LMO3: variants seen among roughly 807,000 people sequenced by gnomAD.
LMO3 encodes the protein LIM domain only 3.
Under a neutral mutation model 15.8 loss-of-function variants are expected in LMO3, and 2 were observed. That is an observed-to-expected ratio of 0.13 (90% CI 0.05 to 0.40). The LOEUF is 0.40. Among genes scored for constraint, LMO3 ranks in the 10% least tolerant of loss-of-function variants. The pLI, the probability that LMO3 is intolerant of heterozygous loss-of-function variation, is 0.99. For missense variants in LMO3, 86 were observed against 182.2 expected, an observed-to-expected ratio of 0.47 and a Z score of 3.04; for synonymous variants, 62 against 63.8, an observed-to-expected ratio of 0.97 and a Z score of 0.13.
Position 16,548,786 on chromosome 12 carries a change from TTCTTG to T in LMO3, c.*2431_*2435del. On this transcript the variant is annotated 3_prime_UTR_variant, in exon 4 of 4. Coordinates refer to ENST00000537304, the MANE Select transcript of LMO3 (RefSeq NM_018640.5). The surrounding 1 kb of genome is among the most constrained non-coding windows in gnomAD (Gnocchi z 4.2). ...AAAATGGCCTACAGCTGAAACACTA[TTCTTG>T]TCTTATTTCACGATTTCATGGAGAT... 1 of 151,988 alleles carries T rather than the reference TTCTTG, an allele frequency of 6.6e-6. No homozygotes were observed. Among genetic ancestry groups the T allele is most frequent in the Non-Finnish European group, 1.5e-5 (1 of 67,784 alleles). 9.4% of individuals were successfully genotyped at this position (151,988 alleles called of 1,614,324 possible). A position where few individuals can be genotyped will look rare whatever the true frequency, so the allele number is the denominator to read the frequency against.
Position 16,604,587 on chromosome 12 carries a change from C to A in LMO3, c.-9+1479G>T. On this transcript the variant is annotated intron_variant, in intron 1 of 3. Coordinates refer to ENST00000537304, the MANE Select transcript of LMO3 (RefSeq NM_018640.5). The surrounding 1 kb of genome is among the most constrained non-coding windows in gnomAD (Gnocchi z 5.3). ...ATAAAAAAAAAAAATAAGAAACATA[C>A]ATACACTCTAACAAAGAATCCCTTG... The A allele has an allele frequency of 4.3e-6, 2 of 466,228 alleles. No individual in the cohort carries two copies. The highest frequency in any genetic ancestry group is 3.8e-5 in the Admixed American group (1 of 26,598). 28.9% of individuals were successfully genotyped at this position (466,228 alleles called of 1,614,324 possible).
chr12:16,598,957 C>T lies in LMO3; in HGVS notation c.206+1698G>A, dbSNP rs1450220460. The T allele has an allele frequency of 3.3e-6, 1 of 303,404 alleles. No homozygotes were observed. The highest frequency in any genetic ancestry group is 6.6e-6 in the Non-Finnish European group (1 of 150,380). 18.8% of individuals were successfully genotyped at this position (303,404 alleles called of 1,614,324 possible). A position where few individuals can be genotyped will look rare whatever the true frequency, so the allele number is the denominator to read the frequency against. On this transcript the variant is annotated intron_variant, in intron 2 of 3. Coordinates refer to ENST00000537304, the MANE Select transcript of LMO3 (RefSeq NM_018640.5). The surrounding 1 kb of genome is among the most constrained non-coding windows in gnomAD (Gnocchi z 4.3). ...CTTATTTGAAATGGTAACATAAATCCACTTGAGATACTGAAATTACAAACA... is the reference window on the plus strand; with the variant it reads ...CTTATTTGAAATGGTAACATAAATCTACTTGAGATACTGAAATTACAAACA...
In LMO3 at chr12:16,605,598, G is replaced by A. The variant is rs1943967337; in HGVS notation, c.-9+468C>T. ...AGTGGGGGTTCATGAATTCCAGCAA[G>A]TAAGGGGGAGGGGTCCGGAAACCCA... On this transcript the variant is annotated intron_variant, in intron 1 of 3. Transcript: ENST00000537304. The A allele has an allele frequency of 1.7e-5, 12 of 689,220 alleles. No homozygotes were observed. In the South Asian group the frequency reaches 2.4e-4, roughly 14 times the overall value. The allele number at this position is 689,220 out of a possible 1,614,324, so 42.7% of individuals were successfully genotyped here.
rs1057022120 is a variant in LMO3 at position 16,606,079 on chromosome 12, C to A, written c.-22G>T. ...TGCTGCACTTACCTTCTCAATTAAGCGATACAGGGGGAGGCCGTTCAGTAA... is the reference window on the plus strand; with the variant it reads ...TGCTGCACTTACCTTCTCAATTAAGAGATACAGGGGGAGGCCGTTCAGTAA... On this transcript the variant is annotated 5_prime_UTR_variant, in exon 1 of 4. Transcript: ENST00000537304. 4.1e-6 allele frequency: 2 copies of A among 484,392 alleles called. No individual in the cohort carries two copies. The highest frequency in any genetic ancestry group is 7.4e-6 in the Non-Finnish European group (2 of 269,356). The allele number at this position is 484,392 out of a possible 1,614,324, so 30.0% of individuals were successfully genotyped here. A position where few individuals can be genotyped will look rare whatever the true frequency, so the allele number is the denominator to read the frequency against.
At chr12:16,575,300 G>A (rs567628879) in intron 2 of LMO3, among the ~76,000 whole-genome samples, 3 of 152,174 alleles carry the variant, frequency 2.0e-5, no homozygotes, top group Middle Eastern at 6.8e-3. Flanking sequence ...CACACTAAAC[G>A]TCATACTGTC....
At chr12:16,552,681 T>C (rs950858609) in intron 3 of LMO3, among the ~76,000 whole-genome samples, 16 of 152,126 alleles carry the variant, frequency 1.1e-4, no homozygotes, top group African/African-American at 3.6e-4. Context: ...CCAGGATTAC[T>C]GCCTGCTGAT....
Position 16,551,286 on chromosome 12 carries a change from A to G in LMO3, c.374T>C (p.Ile125Thr). Residue 125 changes from isoleucine (I) to threonine (T), a missense_variant, in exon 4 of 4, where the codon ATC (isoleucine) becomes ACC (threonine). This residue lies in a region of LMO3 where 51 missense variants were observed against 140.3 expected (regional missense o/e 0.36). Transcript: ENST00000537304. ...TTCCTCGTAGTCCGTCTGGCAAAGGATCATGTTATTCTTTAGGAAAAATTT... is the reference window on the plus strand; with the variant it reads ...TTCCTCGTAGTCCGTCTGGCAAAGGGTCATGTTATTCTTTAGGAAAAATTT... Reference protein sequence around the residue: ...GDKFFLKNNMILCQTDYEEGL... With the variant: ...GDKFFLKNNMTLCQTDYEEGL... 6.2e-7 allele frequency: 1 copy of G among 1,613,118 alleles called. No individual in the cohort carries two copies. Among genetic ancestry groups the G allele is most frequent in the Non-Finnish European group, 8.5e-7 (1 of 1,179,140 alleles).
rs112121099 is a variant in LMO3, at chr12:16,582,868, C to A, written c.206+17787G>T. 6.6e-6 allele frequency among the ~76,000 whole-genome samples: 1 copy of A among 151,648 alleles called. No homozygotes were observed. The highest frequency in any genetic ancestry group is 1.5e-5 in the Non-Finnish European group (1 of 67,882). ...TTCGAGACCAGCCTGGCCAACATGG[C>A]GAAACCCCGTCTCTACTAAAATAAA... On this transcript the variant is annotated intron_variant, in intron 2 of 3. Coordinates refer to ENST00000537304, the MANE Select transcript of LMO3 (RefSeq NM_018640.5). The surrounding 1 kb of genome is among the most constrained non-coding windows in gnomAD (Gnocchi z 4.1).
In LMO3 at chr12:16,589,428, A is replaced by G. The variant is rs1943421550; in HGVS notation, c.206+11227T>C. The G allele has an allele frequency of 6.6e-6, 1 of 152,122 alleles. No individual in the cohort carries two copies. Among genetic ancestry groups the G allele is most frequent in the Non-Finnish European group, 1.5e-5 (1 of 68,010 alleles). 9.4% of individuals were successfully genotyped at this position (152,122 alleles called of 1,614,324 possible). On this transcript the variant is annotated intron_variant, in intron 2 of 3. Coordinates refer to ENST00000537304, the MANE Select transcript of LMO3 (RefSeq NM_018640.5). This position sits in a 1 kb window ranked among gnomAD's most constrained non-coding sequence, Gnocchi z 4.2. ...TTTTACTTGTGACTTCACAGTAAAA[A>G]ATTAGGTCGTAGTGCAGATGAAAGC...
At chr12:16,600,573 G>C in intron 2 of LMO3, 82 bp downstream of exon 2, 3 of 1,234,574 alleles carry the variant, frequency 2.4e-6, no homozygotes, top group Non-Finnish European at 3.5e-6. Context: ...GTAAGGAAAT[G>C]AAACAAGCAA....
At chr12:16,566,416 A>T (rs1942611909) in intron 2 of LMO3, among the ~76,000 whole-genome samples, 1 of 152,096 alleles carries the variant, frequency 6.6e-6, no homozygotes, top group Non-Finnish European at 1.5e-5. Context: ...TGTTTTCAAC[A>T]CACAAAAAAA....
rs1455507123 is a variant in LMO3 at position 16,576,073 on chromosome 12, C to G, written c.207-15535G>C. Among the ~76,000 whole-genome samples, 2 of 152,304 alleles carry G rather than the reference C, an allele frequency of 1.3e-5. No individual in the cohort carries two copies. Among genetic ancestry groups the G allele is most frequent in the East Asian group, 3.9e-4 (2 of 5,182 alleles). On this transcript the variant is annotated intron_variant, in intron 2 of 3. Coordinates refer to ENST00000537304, the MANE Select transcript of LMO3 (RefSeq NM_018640.5). This position sits in a 1 kb window ranked among gnomAD's most constrained non-coding sequence, Gnocchi z 4.1. Reference sequence around the variant, plus strand: ...CCTCTTTTGTCTCAGTAAGCTACTTCTAGCGCGCATCGCTTCTCCCTTGCA... The same window carrying G: ...CCTCTTTTGTCTCAGTAAGCTACTTGTAGCGCGCATCGCTTCTCCCTTGCA...
rs1420292761 is a variant in LMO3, at chr12:16,585,446, G to C, written c.206+15209C>G. ...TGCTACCATCTTCATCCTACACAGTGAGCATAAATGTTGTTTCAAATATTG... is the reference window on the plus strand; with the variant it reads ...TGCTACCATCTTCATCCTACACAGTCAGCATAAATGTTGTTTCAAATATTG... On this transcript the variant is annotated intron_variant, in intron 2 of 3. Coordinates refer to ENST00000537304, the MANE Select transcript of LMO3 (RefSeq NM_018640.5). This position sits in a 1 kb window ranked among gnomAD's most constrained non-coding sequence, Gnocchi z 4.7. Among the ~76,000 whole-genome samples the C allele has an allele frequency of 6.6e-6, 1 of 152,142 alleles. No homozygotes were observed. The highest frequency in any genetic ancestry group is 1.5e-5 in the Non-Finnish European group (1 of 68,022).
intron 2 of LMO3, among the ~76,000 whole-genome samples, chr12:16,565,718 A>G (rs2137380125): frequency 6.6e-6 from 1 of 151,974 alleles, no homozygotes; most frequent in Admixed American, 6.6e-5. Flanking sequence ...AAGGCTGAAA[A>G]AAGGAACACT....
chr12:16,605,443 C>T lies in LMO3; in HGVS notation c.-9+623G>A, dbSNP rs1451583369. 8 of 757,622 alleles carry T rather than the reference C, an allele frequency of 1.1e-5. No homozygotes were observed. The East Asian group carries it at 4.5e-4, about 42-fold the overall frequency. 46.9% of individuals were successfully genotyped at this position (757,622 alleles called of 1,614,324 possible). ...TTCTGCCCCTACCCGCCTGCCCCCC[C>T]CCCCCGCCCCCATGCCCAAACACAG... On this transcript the variant is annotated intron_variant, in intron 1 of 3. Coordinates refer to ENST00000537304, the MANE Select transcript of LMO3 (RefSeq NM_018640.5).
At chr12:16,564,158 CAG>C (rs1942505233) in intron 2 of LMO3, among the ~76,000 whole-genome samples, 3 of 152,084 alleles carry the variant, frequency 2.0e-5, no homozygotes, top group Admixed American at 6.6e-5. Context: ...TATCTAAAAA[CAG>C]ACATGAATAT....
chr12:16,569,028 A>G (rs1266085402), intron 2 of LMO3, among the ~76,000 whole-genome samples: 2 of 152,198 alleles, frequency 1.3e-5, no homozygotes, highest in Non-Finnish European at 2.9e-5. Flanking sequence ...ATAGATGACA[A>G]TGCCCCACCT....
At chr12:16,552,053 C>G (rs909199634) in intron 3 of LMO3, among the ~76,000 whole-genome samples, 1 of 152,004 alleles carries the variant, frequency 6.6e-6, no homozygotes, top group East Asian at 1.9e-4. Flanking sequence ...TTTCCAATAG[C>G]TAATTATGCA....
chr12:16,569,387 A>G (rs980173378), intron 2 of LMO3, among the ~76,000 whole-genome samples: 4 of 152,232 alleles, frequency 2.6e-5, no homozygotes, highest in Non-Finnish European at 4.4e-5. Flanking sequence ...TGGCTGGTCT[A>G]CATAGAATCA....
Sources: gnomAD v4.1 joint callset for allele counts (sites outside exome capture counted in the v4.1 genomes callset) on GRCh38, gnomAD v4.1.1 for gene constraint, gnomAD v4.1.1 regional missense constraint, Gnocchi (gnomAD v3.1) non-coding constraint, MANE v1.5 for transcripts, NCBI Gene and HGNC (gene_info 2026-07-23, HGNC 2026-07-21) for gene names.